The following TENM1 variants were observed in gnomAD, a reference collection of about 807,000 sequenced individuals.
The protein encoded by TENM1 is teneurin-1.
TENM1 carries 35 observed loss-of-function variants against 174.8 expected under a neutral mutation model. The observed-to-expected ratio is 0.20, with a 90% CI of 0.15 to 0.27. The LOEUF is 0.27. Ranked by LOEUF, TENM1 falls within the 10% of genes least tolerant of loss-of-function variation. The pLI, the probability that TENM1 is intolerant of heterozygous loss-of-function variation, is 1.00. For missense variants in TENM1, 1,633 were observed against 2,130.1 expected (o/e 0.77, Z 4.59); for synonymous variants, 781 against 798.7 (o/e 0.98, Z 0.37).
intron 11 of TENM1, among the ~76,000 whole-genome samples, chrX:124,576,652 C>T (rs1050388858): frequency 8.9e-6 from 1 of 112,091 alleles, no homozygotes; most frequent in Non-Finnish European, 1.9e-5. Flanking sequence ...AATTATACTG[C>T]ATCTTGTCTA....
chrX:124,607,969 G>C (rs1042829270), intron 11 of TENM1, among the ~76,000 whole-genome samples: 1 of 111,027 alleles, frequency 9.0e-6, no homozygotes, highest in Non-Finnish European at 1.9e-5. Flanking sequence ...CCAAGGTTTT[G>C]GGTCTGAGTA....
At chrX:124,379,423 G>C (rs765686626) in exon 32 of TENM1, 2 of 112,522 alleles carry the variant, frequency 1.8e-5, no homozygotes, top group African/African-American at 6.5e-5. Flanking sequence ...ATAAATCTAA[G>C]TGGGCTGAAA....
chrX:124,672,562 A>G (rs1162991680), intron 5 of TENM1, among the ~76,000 whole-genome samples: 1 of 111,409 alleles, frequency 9.0e-6, no homozygotes, highest in East Asian at 2.8e-4. Flanking sequence ...TTAAAATCTG[A>G]TTTACCCTTT....
chrX:124,489,627 T>G (rs1402131520), intron 20 of TENM1, among the ~76,000 whole-genome samples: 4 of 111,944 alleles, frequency 3.6e-5, no homozygotes, highest in Non-Finnish European at 7.5e-5. Context: ...ATGTCTAGCT[T>G]CTTCCACTTA....
chrX:124,970,634 C>T, the TENM1 span, among the ~76,000 whole-genome samples: 1 of 111,683 alleles, frequency 9.0e-6, no homozygotes, highest in Admixed American at 9.5e-5. Flanking sequence ...AAAGTACAAA[C>T]AACAGGTGCT....
the TENM1 span, among the ~76,000 whole-genome samples, chrX:125,064,844 G>A: frequency 9.1e-6 from 1 of 110,001 alleles, no homozygotes; most frequent in South Asian, 3.9e-4. Context: ...CCTGACCTCG[G>A]GATCCACTGC....
At chrX:124,664,679 G>GGGGTGT (rs776187636) in intron 6 of TENM1, among the ~76,000 whole-genome samples, 4 of 86,970 alleles carry the variant, frequency 4.6e-5, no homozygotes, top group African/African-American at 1.7e-4. Flanking sequence ...GTACTTGTGG[G>GGGGTGT]GTGTGTGTGT....
At chrX:124,977,205 A>T in the TENM1 span, among the ~76,000 whole-genome samples, 1 of 111,819 alleles carries the variant, frequency 8.9e-6, no homozygotes, top group Non-Finnish European at 1.9e-5. Flanking sequence ...AGATGACTCA[A>T]ATAAAAGAAT....
intron 4 of TENM1, among the ~76,000 whole-genome samples, chrX:124,723,347 C>A (rs1321710363): frequency 9.0e-6 from 1 of 111,358 alleles, no homozygotes; most frequent in African/African-American, 3.3e-5. Context: ...ATCATGATCA[C>A]CACCTCCTGG....
intron 27 of TENM1, among the ~76,000 whole-genome samples, chrX:124,394,909 G>C (rs2060317175): frequency 2.7e-5 from 1 of 37,492 alleles, no homozygotes; most frequent in South Asian, 2.2e-3. Flanking sequence ...CTCCCAATTA[G>C]AAATCAGAAA....
chrX:125,105,788 G>C, the TENM1 span, among the ~76,000 whole-genome samples: 1 of 111,555 alleles, frequency 9.0e-6, no homozygotes, highest in Non-Finnish European at 1.9e-5. Flanking sequence ...GGAAGAAGCA[G>C]GATGCCAGGA....
intron 4 of TENM1, among the ~76,000 whole-genome samples, chrX:124,714,946 C>T (rs1338144135): frequency 1.8e-5 from 2 of 111,399 alleles, no homozygotes; most frequent in Non-Finnish European, 3.8e-5. Context: ...GTTCTGTTAA[C>T]CCAACTTTAA....
chrX:124,472,361 G>C (rs1354106505), intron 22 of TENM1, among the ~76,000 whole-genome samples: 6 of 93,211 alleles, frequency 6.4e-5, no homozygotes, highest in Admixed American at 4.7e-4. Flanking sequence ...AAAAAAAGCG[G>C]CTGACTATGA....
chrX:125,106,889 G>C, the TENM1 span, among the ~76,000 whole-genome samples: 3 of 112,051 alleles, frequency 2.7e-5, no homozygotes, highest in Non-Finnish European at 5.6e-5. Context: ...GTAGGAGTAG[G>C]AGAAAGGAAA....
chrX:124,800,628 C>T lies in TENM1; in HGVS notation c.536-63431G>A, dbSNP rs145122387. On this transcript the variant is annotated intron_variant, in intron 3 of 31. Coordinates refer to ENST00000422452, the Ensembl canonical transcript of TENM1. ...GTTCTGCTCTGATCTTCATTATTTC[C>T]TGTCTGTTGGTAGTTTTTGGATTTG... is the stretch of plus-strand genomic sequence containing the variant. Among the ~76,000 whole-genome samples, 935 of 110,926 alleles carry T rather than the reference C, an allele frequency of 8.4e-3. 7 individuals are homozygous for T. The highest frequency in any genetic ancestry group is 0.013 in the Non-Finnish European group (709 of 52,783).
At chrX:125,026,687 AG>A in the TENM1 span, among the ~76,000 whole-genome samples, 1 of 111,995 alleles carries the variant, frequency 8.9e-6, no homozygotes, top group Non-Finnish European at 1.9e-5. Context: ...ATCCAGGCCA[AG>A]TTGAGTTTAT....
At chrX:125,197,686 T>G in the TENM1 span, among the ~76,000 whole-genome samples, 1 of 112,099 alleles carries the variant, frequency 8.9e-6, no homozygotes, top group South Asian at 3.6e-4. Context: ...AACAACTGGA[T>G]ACTGATATTC....
exon 32 of TENM1, chrX:124,377,765 C>T (rs1014209814): frequency 4.5e-5 from 5 of 111,934 alleles, no homozygotes; most frequent in Non-Finnish European, 9.4e-5. Context: ...TGTCAGCCAT[C>T]TGTCTGCTGG....
At chrX:125,040,422 T>A in the TENM1 span, among the ~76,000 whole-genome samples, 1 of 111,197 alleles carries the variant, frequency 9.0e-6, no homozygotes, top group African/African-American at 3.3e-5. Flanking sequence ...ACAACAAAAA[T>A]CAAATAACTG....
Sources: gnomAD v4.1 joint callset for allele counts (sites outside exome capture counted in the v4.1 genomes callset) on GRCh38, gnomAD v4.1.1 for gene constraint, MANE v1.5 for transcripts, NCBI Gene and HGNC (gene_info 2026-07-23, HGNC 2026-07-21) for gene names.